MBNL1: variants seen among roughly 807,000 people sequenced by gnomAD.
MBNL1 encodes muscleblind like splicing regulator 1, also known as muscleblind-like protein 1.
Under a neutral mutation model 42.2 loss-of-function variants are expected in MBNL1, and 8 were observed. The ratio of observed to expected loss-of-function variants is 0.19; its 90% CI spans 0.11 to 0.34. The LOEUF (loss-of-function observed/expected upper bound fraction) is 0.34, where lower values mean the gene tolerates loss of function less well. MBNL1 is among the 10% of genes least tolerant of loss of function. The pLI is 1.00. For missense variants in MBNL1, 309 were observed against 495.3 expected (o/e 0.62, Z 3.57); for synonymous variants, 169 against 173.9 (o/e 0.97, Z 0.22).
chr3:152,331,421 A>G (rs1560176322), intron 2 of MBNL1, among the ~76,000 whole-genome samples: 1 of 152,224 alleles, frequency 6.6e-6, no homozygotes, highest in African/African-American at 2.4e-5. Context: ...GTAATGTACC[A>G]TTAGAGCTTT....
At chr3:152,269,775 A>T (rs1437807064) in intron 1 of MBNL1, 2 of 211,622 alleles carry the variant, frequency 9.5e-6, no homozygotes, top group Non-Finnish European at 2.0e-5. Flanking sequence ...AAACTGTAAG[A>T]AAAGTAAGTA....
Position 152,374,235 on chromosome 3 carries a change from A to G in MBNL1, c.175-40706A>G, listed in dbSNP as rs552236759. On this transcript the variant is annotated intron_variant, in intron 2 of 9. Coordinates refer to ENST00000324210, the MANE Select transcript of MBNL1 (RefSeq NM_021038.5). ...TGCAAATCATCTACTTTTTAAAAGT[A>G]TGATACTTTATTATTTGCAAATTAT... is the stretch of plus-strand genomic sequence containing the variant. Among the ~76,000 whole-genome samples, 21 of 152,368 alleles carry G rather than the reference A, an allele frequency of 1.4e-4. 1 individual carries two copies. The highest frequency in any genetic ancestry group is 4.8e-4 in the African/African-American group (20 of 41,600).
intron 2 of MBNL1, among the ~76,000 whole-genome samples, chr3:152,309,947 A>T (rs1037970828): frequency 6.6e-6 from 1 of 152,316 alleles, no homozygotes; most frequent in South Asian, 2.1e-4. Context: ...AAAATACTTT[A>T]AAACCCTTCT....
intron 3 of MBNL1, among the ~76,000 whole-genome samples, chr3:152,431,329 G>A (rs2099004323): frequency 6.6e-6 from 1 of 152,050 alleles, no homozygotes; most frequent in Non-Finnish European, 1.5e-5. Context: ...GAAAACCACT[G>A]CCCTAAGAAA....
chr3:152,276,577 A>G (rs1186596029), intron 1 of MBNL1, among the ~76,000 whole-genome samples: 1 of 152,048 alleles, frequency 6.6e-6, no homozygotes, highest in Non-Finnish European at 1.5e-5. Context: ...TTTCTACATC[A>G]TTTGAAGAGA....
chr3:152,359,178 G>A (rs1350230396), intron 2 of MBNL1, among the ~76,000 whole-genome samples: 4 of 152,258 alleles, frequency 2.6e-5, no homozygotes, highest in Admixed American at 2.6e-4. Flanking sequence ...CTTCTTTGCT[G>A]TCACTAGCAG....
chr3:152,437,829 G>A (rs1244306083), intron 4 of MBNL1, among the ~76,000 whole-genome samples: 5 of 149,954 alleles, frequency 3.3e-5, no homozygotes, highest in East Asian at 3.9e-4. Flanking sequence ...GCTGGAGTGC[G>A]GTGGCGCGAT....
intron 2 of MBNL1, among the ~76,000 whole-genome samples, chr3:152,255,511 T>C (rs2035328486): frequency 1.3e-5 from 2 of 152,078 alleles, no homozygotes; most frequent in African/African-American, 4.8e-5. Context: ...AAGCTCTGTT[T>C]TCATTTTAAA....
intron 2 of MBNL1, chr3:152,338,186 C>T (rs2091764657): frequency 1.9e-5 from 19 of 985,422 alleles, no homozygotes; most frequent in Non-Finnish European, 2.3e-5. Flanking sequence ...TGGCCTATCT[C>T]CATGTATTTT....
chr3:152,310,506 T>C (rs1416684212), intron 2 of MBNL1, among the ~76,000 whole-genome samples: 1 of 152,202 alleles, frequency 6.6e-6, no homozygotes, highest in Non-Finnish European at 1.5e-5. Flanking sequence ...GACAAAAATA[T>C]AGTATATTGA....
intron 2 of MBNL1, among the ~76,000 whole-genome samples, chr3:152,329,049 T>A (rs2082324159): frequency 6.6e-6 from 1 of 151,894 alleles, no homozygotes; most frequent in Non-Finnish European, 1.5e-5. Context: ...CAGAGTAGAA[T>A]AACAGGAAGA....
At chr3:152,355,245 C>G (rs1373455357) in intron 2 of MBNL1, among the ~76,000 whole-genome samples, 1 of 152,128 alleles carries the variant, frequency 6.6e-6, no homozygotes, top group Non-Finnish European at 1.5e-5. Context: ...CATACTGTCT[C>G]GGTCAACTTG....
At chr3:152,438,831 A>C (rs1251384479) in intron 4 of MBNL1, among the ~76,000 whole-genome samples, 3 of 152,230 alleles carry the variant, frequency 2.0e-5, no homozygotes, top group Non-Finnish European at 2.9e-5. Context: ...CTCCTCAGAT[A>C]AGTTGGTAAG....
In MBNL1 at chr3:152,283,595, C is replaced by T. The variant is rs564034255; in HGVS notation, c.-790+14503C>T. ...CCCTTTGGGTGTTTAGTTAAATATA[C>T]TGACTCTGCCCTTGGGTGAAGTCTT... On this transcript the variant is annotated intron_variant, in intron 1 of 9. Transcript: ENST00000324210. Among the ~76,000 whole-genome samples, 22 of 152,318 alleles carry T rather than the reference C, an allele frequency of 1.4e-4. No individual in the cohort carries two copies. The South Asian group carries it at 1.7e-3, about 11-fold the overall frequency.
intron 2 of MBNL1, among the ~76,000 whole-genome samples, chr3:152,350,415 A>G (rs1427237361): frequency 6.6e-6 from 1 of 152,126 alleles, no homozygotes; most frequent in African/African-American, 2.4e-5. Context: ...CAACACATGT[A>G]GACAACTCTA....
chr3:152,293,355 A>G (rs2057025665), intron 1 of MBNL1, among the ~76,000 whole-genome samples: 1 of 152,168 alleles, frequency 6.6e-6, no homozygotes, highest in Non-Finnish European at 1.5e-5. Flanking sequence ...TCTACTTAGC[A>G]CCTTAGTGAA....
intron 2 of MBNL1, among the ~76,000 whole-genome samples, chr3:152,398,905 A>G (rs2098100692): frequency 6.6e-6 from 1 of 152,166 alleles, no homozygotes; most frequent in African/African-American, 2.4e-5. Flanking sequence ...TATTTCCTCT[A>G]CCTAGATATC....
At chr3:152,323,210 T>C (rs568628801) in intron 2 of MBNL1, among the ~76,000 whole-genome samples, 2 of 152,276 alleles carry the variant, frequency 1.3e-5, no homozygotes, top group East Asian at 3.9e-4. Context: ...GACATTATTT[T>C]TAAATGATAA....
At chr3:152,447,364 CACATTATA>C (rs1711649910) in intron 5 of MBNL1, among the ~76,000 whole-genome samples, 1 of 151,928 alleles carries the variant, frequency 6.6e-6, no homozygotes, top group East Asian at 1.9e-4. Context: ...AGCACTTTAA[CACATTATA>C]ACATGTGCTC....
Sources: gnomAD v4.1 joint callset for allele counts (sites outside exome capture counted in the v4.1 genomes callset) on GRCh38, gnomAD v4.1.1 for gene constraint, MANE v1.5 for transcripts, NCBI Gene and HGNC (gene_info 2026-07-23, HGNC 2026-07-21) for gene names.